CREB5: variants seen among roughly 807,000 people sequenced by gnomAD.
CREB5 encodes the protein cyclic AMP-responsive element-binding protein 5.
In CREB5, 19 loss-of-function variants were observed where a neutral mutation model predicts 57.1. That is an observed-to-expected ratio of 0.33 (90% CI 0.23 to 0.49). The LOEUF is 0.49. Ranked by LOEUF, CREB5 falls within the 20% of genes least tolerant of loss-of-function variation. The pLI, the probability that CREB5 is intolerant of heterozygous loss-of-function variation, is 0.99. For synonymous variants in CREB5, 238 were observed against 238.3 expected (o/e 1.00, Z 0.01); for missense variants, 579 against 671.6 (o/e 0.86, Z 1.52).
intron 5 of CREB5, among the ~76,000 whole-genome samples, chr7:28,664,459 C>A (rs1302531114): frequency 2.0e-5 from 3 of 152,114 alleles, no homozygotes; most frequent in African/African-American, 7.2e-5. Context: ...TCTCTTCTTT[C>A]CTTCCTTTCT....
rs1470496971 is a variant in CREB5, at chr7:28,804,319, C to T, written c.823C>T (p.His275Tyr). 1 of 1,613,902 alleles carries T rather than the reference C, an allele frequency of 6.2e-7. No individual in the cohort carries two copies. The highest frequency in any genetic ancestry group is 8.5e-7 in the Non-Finnish European group (1 of 1,179,926). Reference protein sequence around the residue: ...RQDQTPHHHMHSHPHQHQTLP... With the variant: ...RQDQTPHHHMYSHPHQHQTLP... ...GGACCAGACGCCACACCATCACATG[C>T]ACTCGCACCCGCATCAGCACCAGAC... The change falls in exon 8 of 11, where the codon CAC becomes TAC. Residue 275 changes from histidine to tyrosine, a missense_variant. Coordinates refer to ENST00000357727, the MANE Select transcript of CREB5 (RefSeq NM_182898.4).
chr7:28,315,567 T>C (rs1428840668), intron 1 of CREB5, among the ~76,000 whole-genome samples: 6 of 152,248 alleles, frequency 3.9e-5, no homozygotes, highest in African/African-American at 1.4e-4. Context: ...ATTTCATCAT[T>C]GTGAGGTTCA....
At chr7:28,782,662 T>C (rs1388565660) in intron 7 of CREB5, among the ~76,000 whole-genome samples, 1 of 152,202 alleles carries the variant, frequency 6.6e-6, no homozygotes, top group Non-Finnish European at 1.5e-5. Flanking sequence ...CTTTAGGTAT[T>C]GGAATGCACG....
chr7:28,804,163 C>T (rs1808546764), intron 7 of CREB5, 36 bp from the exon 8 acceptor site: 1 of 1,588,356 alleles, frequency 6.3e-7, no homozygotes, highest in Non-Finnish European at 8.6e-7. Context: ...TGACTGACTT[C>T]AGTTGTTCTC....
chr7:28,564,282 G>A (rs1323041361), intron 4 of CREB5, among the ~76,000 whole-genome samples: 1 of 152,196 alleles, frequency 6.6e-6, no homozygotes, highest in African/African-American at 2.4e-5. Context: ...GTGGCAGTTG[G>A]ATGGAATATA....
chr7:28,340,459 G>A (rs1330741957), intron 1 of CREB5, among the ~76,000 whole-genome samples: 1 of 152,206 alleles, frequency 6.6e-6, no homozygotes, highest in Non-Finnish European at 1.5e-5. Flanking sequence ...CCTGGAATGA[G>A]GGCCTCAGAA....
At chr7:28,482,943 C>G (rs1791392062) in intron 1 of CREB5, among the ~76,000 whole-genome samples, 1 of 152,202 alleles carries the variant, frequency 6.6e-6, no homozygotes, top group African/African-American at 2.4e-5. Context: ...ATGAGTCCAT[C>G]TGCTGTGAAT....
chr7:28,770,091 G>T (rs566807076), intron 7 of CREB5, among the ~76,000 whole-genome samples: 2 of 152,312 alleles, frequency 1.3e-5, no homozygotes, highest in African/African-American at 4.8e-5. Context: ...TCCAACAGCC[G>T]CATTCCTGTC....
chr7:28,356,322 T>C lies in CREB5; in HGVS notation c.-25+56881T>C, dbSNP rs78222682. 6.4e-3 allele frequency among the ~76,000 whole-genome samples: 976 copies of C among 152,342 alleles called. 13 individuals are homozygous for C. Among genetic ancestry groups the C allele is most frequent in the African/African-American group, 0.022 (930 of 41,580 alleles). ...AGCTGCTATCTCAATGAAGTGGGTATGTATTTGTATTATAACACACAGATG... is the reference window on the plus strand; with the variant it reads ...AGCTGCTATCTCAATGAAGTGGGTACGTATTTGTATTATAACACACAGATG... On this transcript the variant is annotated intron_variant, in intron 1 of 9. Coordinates refer to the CREB5 transcript ENST00000396299.
intron 3 of CREB5, among the ~76,000 whole-genome samples, chr7:28,499,645 G>A (rs578053344): frequency 3.9e-5 from 6 of 152,244 alleles, no homozygotes; most frequent in East Asian, 3.9e-4. Context: ...GTGCAATGGC[G>A]CTATCTCAGT....
chr7:28,445,798 G>T (rs199511618), intron 1 of CREB5, among the ~76,000 whole-genome samples: 100,813 of 150,958 alleles, frequency 0.67, 34,514 homozygotes, highest in East Asian at 0.87. Flanking sequence ...TGATCCGCCT[G>T]CCTCAGCCTC....
chr7:28,517,353 TAA>T (rs986346326), intron 4 of CREB5, among the ~76,000 whole-genome samples: 1 of 152,194 alleles, frequency 6.6e-6, no homozygotes, highest in African/African-American at 2.4e-5. Flanking sequence ...TGTGTGTTGT[TAA>T]GTTATTTCCA....
intron 4 of CREB5, among the ~76,000 whole-genome samples, chr7:28,523,039 C>G (rs1448566477): frequency 6.6e-6 from 1 of 152,110 alleles, no homozygotes; most frequent in Admixed American, 6.6e-5. Flanking sequence ...GTAAAATGAA[C>G]ATTTGGTGAG....
At chr7:28,669,182 G>A (rs1799938960) in intron 5 of CREB5, among the ~76,000 whole-genome samples, 1 of 152,196 alleles carries the variant, frequency 6.6e-6, no homozygotes, top group Non-Finnish European at 1.5e-5. Flanking sequence ...ATGTAGGGAA[G>A]ATCAAGATGT....
intron 1 of CREB5, among the ~76,000 whole-genome samples, chr7:28,464,083 C>A (rs909741440): frequency 6.6e-6 from 1 of 152,180 alleles, no homozygotes; most frequent in South Asian, 2.1e-4. Flanking sequence ...TTGTAGGCAG[C>A]TTTGATGCAG....
chr7:28,592,979 A>C (rs908057455), intron 5 of CREB5, among the ~76,000 whole-genome samples: 19 of 152,368 alleles, frequency 1.2e-4, no homozygotes, highest in Admixed American at 2.6e-4. Flanking sequence ...CAAGACCAGC[A>C]TTCAAACCCA....
chr7:28,664,521 TG>T (rs1218056311), intron 5 of CREB5, among the ~76,000 whole-genome samples: 2 of 152,250 alleles, frequency 1.3e-5, no homozygotes, highest in Non-Finnish European at 2.9e-5. Flanking sequence ...TTTATTCTTC[TG>T]ACTTCTCTTG....
chr7:28,338,384 C>G (rs924768767), intron 1 of CREB5, among the ~76,000 whole-genome samples: 4 of 152,154 alleles, frequency 2.6e-5, no homozygotes, highest in Non-Finnish European at 5.9e-5. Flanking sequence ...ATATTTTCAG[C>G]AGACATACTA....
At chr7:28,325,451 T>C (rs1423629287) in intron 1 of CREB5, among the ~76,000 whole-genome samples, 1 of 115,656 alleles carries the variant, frequency 8.6e-6, no homozygotes, top group African/African-American at 3.6e-5. Flanking sequence ...CAAGACTCCA[T>C]CTCAAAAAAA....
Sources: allele counts gnomAD v4.1 joint callset (sites outside exome capture counted in the v4.1 genomes callset), GRCh38; gene constraint gnomAD v4.1.1; transcripts MANE v1.5; gene names NCBI Gene and HGNC (gene_info 2026-07-23, HGNC 2026-07-21).